The following ASCC2 variants were observed in gnomAD, a reference collection of about 807,000 sequenced individuals.
ASCC2 encodes the protein activating signal cointegrator 1 complex subunit 2, also known as ASC-1 complex subunit P100.
Under a neutral mutation model 93.5 loss-of-function variants are expected in ASCC2, and 42 were observed. The ratio of observed to expected loss-of-function variants is 0.45; its 90% confidence interval spans 0.35 to 0.58. The LOEUF is 0.58. ASCC2 is among the 20% of genes least tolerant of loss of function. The pLI is 0.00. For missense variants in ASCC2, 859 were observed against 977.6 expected (o/e 0.88, Z 1.62); for synonymous variants, 364 against 384.2 (o/e 0.95, Z 0.62).
chr22:29,830,297 G>A (rs2062966396), intron 2 of ASCC2, among the ~76,000 whole-genome samples: 1 of 152,168 alleles, frequency 6.6e-6, no homozygotes, highest in South Asian at 2.1e-4. Flanking sequence ...TCAATAACTT[G>A]CCCAAAGACA....
At position 29,789,099 on chromosome 22, in the gene ASCC2, T is replaced by C. The variant is rs1353305715; in HGVS notation, c.2188A>G (p.Lys730Glu). ...GCTCTTGTCGCCTTGTTGGCTTCCT[T>C]CTTCCTGCGTTCCTGGGTTGTCTCG... ...SRETTQERRK[K>E]EANKATRANH... is the part of the protein sequence containing the mutation. The change falls in exon 20 of 20, where the codon AAG (lysine) becomes GAG (glutamate). Residue 730 changes from lysine (K) to glutamate (E), a missense_variant. By Grantham distance (56) the Lys-to-Glu change is moderately conservative. Transcript: ENST00000307790. 1.2e-6 allele frequency: 2 copies of C among 1,614,198 alleles called. No individual in the cohort carries two copies. The highest frequency in any genetic ancestry group is 3.3e-5 in the Admixed American group (2 of 60,010).
intron 1 of ASCC2, chr22:29,833,626 AAGGG>A (rs2063415799): frequency 1.1e-5 from 5 of 470,942 alleles, no homozygotes; most frequent in Non-Finnish European, 2.2e-5. Context: ...TGACCCACAG[AAGGG>A]ACATACGTGT....
chr22:29,792,608 C>T, intron 17 of ASCC2, 73 bp from the exon 18 acceptor site: 2 of 1,596,670 alleles, frequency 1.3e-6, no homozygotes, highest in Non-Finnish European at 1.7e-6. Context: ...AGGAGGGAAC[C>T]TGGTTGGGTG....
At chr22:29,789,450 G>A (rs73392878) in intron 19 of ASCC2, among the ~76,000 whole-genome samples, 2,784 of 152,322 alleles carry the variant, frequency 0.018, 88 homozygotes, top group African/African-American at 0.064. Context: ...AACAGCTAGA[G>A]AGCTGACACA....
At chr22:29,824,871 C>G (rs2062095379) in intron 4 of ASCC2, among the ~76,000 whole-genome samples, 1 of 152,158 alleles carries the variant, frequency 6.6e-6, no homozygotes, top group South Asian at 2.1e-4. Context: ...GCCCTCGGCT[C>G]TCTTTGATGG....
rs777715301 is a variant in ASCC2 at position 29,827,573 on chromosome 22, T to A, written c.82-1793A>T. 1.1e-5 allele frequency: 5 copies of A among 471,016 alleles called. 1 individual carries two copies. In the Middle Eastern group the frequency reaches 1.6e-3, roughly 153 times the overall value. 29.2% of individuals were successfully genotyped at this position (471,016 alleles called of 1,614,324 possible). On this transcript the variant is annotated intron_variant, in intron 2 of 19. Coordinates refer to ENST00000307790, the MANE Select transcript of ASCC2 (RefSeq NM_032204.5). ...AGGACCCCCTCCCATTTAAATCAAA[T>A]TTGTATCATGGAGTTACAGGTACAA...
At position 29,793,955 on chromosome 22, in the gene ASCC2, G is replaced by A. The variant is rs562395751; in HGVS notation, c.1689-279C>T. On this transcript the variant is annotated intron_variant, in intron 15 of 19. Transcript: ENST00000307790. ...GCTCTGTCACCCAGGCTGCAGTGCA[G>A]TGGCACGATCTCGGCTCACTGCAAC... Among the ~76,000 whole-genome samples the A allele has an allele frequency of 6.6e-5, 10 of 151,474 alleles. No homozygotes were observed. In the South Asian group the frequency reaches 1.0e-3, roughly 16 times the overall value.
intron 12 of ASCC2, among the ~76,000 whole-genome samples, chr22:29,805,968 A>G (rs150213281): frequency 3.9e-5 from 6 of 151,966 alleles, no homozygotes; most frequent in Non-Finnish European, 7.4e-5. Context: ...CATCTTGGTC[A>G]CATAGGCCCA....
At chr22:29,821,207 G>T (rs2061518107) in intron 5 of ASCC2, among the ~76,000 whole-genome samples, 1 of 152,240 alleles carries the variant, frequency 6.6e-6, no homozygotes, top group Non-Finnish European at 1.5e-5. Context: ...AAAAAAAACT[G>T]CTTGTTTTTG....
At chr22:29,797,413 G>A (rs1189042839) in intron 15 of ASCC2, among the ~76,000 whole-genome samples, 1 of 152,132 alleles carries the variant, frequency 6.6e-6, no homozygotes, top group Non-Finnish European at 1.5e-5. Flanking sequence ...ACTTTTCCAG[G>A]TGAAGAATCA....
chr22:29,789,209 C>A, intron 19 of ASCC2, 25 bp from the exon 20 acceptor site: 2 of 1,613,650 alleles, frequency 1.2e-6, no homozygotes, highest in African/African-American at 1.3e-5. Flanking sequence ...ACCCACCCCA[C>A]GAGAACCTGT....
rs901130826 is a variant in ASCC2, at chr22:29,825,797, C to A, written c.82-17G>T. ...CTCGGGGTGCTACGGATCCAAAAAC[C>A]ACGTGTTAACGTGGCAGAGGTTAGT... is the stretch of plus-strand genomic sequence containing the variant. On this transcript the variant is annotated splice_polypyrimidine_tract_variant and intron_variant, in intron 2 of 19. Coordinates refer to ENST00000307790, the MANE Select transcript of ASCC2 (RefSeq NM_032204.5). The surrounding 1 kb of genome is among the most constrained non-coding windows in gnomAD (Gnocchi z 4.9). 2.5e-6 allele frequency: 4 copies of A among 1,595,386 alleles called. No individual in the cohort carries two copies. Among genetic ancestry groups the A allele is most frequent in the Non-Finnish European group, 3.4e-6 (4 of 1,167,650 alleles).
At chr22:29,838,098 G>T in intron 1 of ASCC2, 80 bp downstream of exon 1, 1 of 452,978 alleles carries the variant, frequency 2.2e-6, no homozygotes, top group Non-Finnish European at 4.4e-6. Context: ...GGATGGGAGA[G>T]CCAAGGCTGC....
At chr22:29,806,651 G>A in intron 10 of ASCC2, 98 bp from the exon 11 acceptor site, 1 of 1,431,248 alleles carries the variant, frequency 7.0e-7, no homozygotes, top group African/African-American at 1.4e-5. Context: ...GGGGCCCAGT[G>A]GAGGAATGAG....
Position 29,788,696 on chromosome 22 carries a change from G to A in ASCC2, c.*317C>T. On this transcript the variant is annotated 3_prime_UTR_variant, in exon 20 of 20. Coordinates refer to ENST00000307790, the MANE Select transcript of ASCC2 (RefSeq NM_032204.5). Reference sequence around the variant, plus strand: ...CTGCTGTCCAGGGTAAAGGGGAAGTGGTGTCTTGTGGCCCGAGGTTTGGGG... The same window carrying A: ...CTGCTGTCCAGGGTAAAGGGGAAGTAGTGTCTTGTGGCCCGAGGTTTGGGG... 2.5e-6 allele frequency: 1 copy of A among 406,964 alleles called. No individual in the cohort carries two copies. 25.2% of individuals were successfully genotyped at this position (406,964 alleles called of 1,614,324 possible).
intron 4 of ASCC2, among the ~76,000 whole-genome samples, chr22:29,822,786 T>C (rs2061742980): frequency 6.8e-6 from 1 of 147,194 alleles, no homozygotes; most frequent in Non-Finnish European, 1.5e-5. Context: ...AGTGGTGTAA[T>C]CTCTGCTCAC....
intron 1 of ASCC2, among the ~76,000 whole-genome samples, chr22:29,833,866 T>C (rs1162707578): frequency 6.8e-6 from 1 of 146,472 alleles, no homozygotes; most frequent in Non-Finnish European, 1.5e-5. Context: ...CTCCTCTAAG[T>C]GCTTTTCTTT....
At chr22:29,800,907 C>T (rs558482099) in intron 15 of ASCC2, 84 bp downstream of exon 15, 11 of 1,482,466 alleles carry the variant, frequency 7.4e-6, no homozygotes, top group African/African-American at 2.8e-5. Context: ...GCCAATTCTG[C>T]GAAGATGGAG....
chr22:29,791,412 G>T (rs987980909), intron 18 of ASCC2, among the ~76,000 whole-genome samples: 1 of 152,246 alleles, frequency 6.6e-6, no homozygotes, highest in East Asian at 1.9e-4. Context: ...GGGTGTGGTG[G>T]CTCATGCCTG....
Sources: gnomAD v4.1 joint callset for allele counts (sites outside exome capture counted in the v4.1 genomes callset) on GRCh38, gnomAD v4.1.1 for gene constraint, Gnocchi (gnomAD v3.1) non-coding constraint, MANE v1.5 for transcripts, NCBI Gene and HGNC (gene_info 2026-07-23, HGNC 2026-07-21) for gene names.